The following IL1RAPL1 variants were observed in gnomAD, a reference collection of about 807,000 sequenced individuals.
IL1RAPL1 encodes the protein interleukin-1 receptor accessory protein-like 1.
A neutral mutation model predicts 48.4 loss-of-function variants in IL1RAPL1; 3 were observed. That is an observed-to-expected ratio of 0.06 (90% CI 0.03 to 0.16). IL1RAPL1 has a LOEUF of 0.16. IL1RAPL1 is among the 10% of genes least tolerant of loss of function. The probability of loss-of-function intolerance (pLI) is 1.00; values close to 1 mark genes in which losing one functional copy is unlikely to be tolerated. For missense variants in IL1RAPL1, 349 were observed against 530.6 expected, an observed-to-expected ratio of 0.66 and a Z score of 3.36; for synonymous variants, 185 against 187.7, an observed-to-expected ratio of 0.99 and a Z score of 0.12.
At chrX:28,611,055 G>A (rs1160196999) in intron 1 of IL1RAPL1, among the ~76,000 whole-genome samples, 2 of 111,294 alleles carry the variant, frequency 1.8e-5, no homozygotes, top group African/African-American at 3.3e-5. Flanking sequence ...TGTTACTGAC[G>A]GTGGTGGAAG....
chrX:29,106,027 T>G (rs1928439618), intron 2 of IL1RAPL1, among the ~76,000 whole-genome samples: 1 of 112,544 alleles, frequency 8.9e-6, no homozygotes, highest in Non-Finnish European at 1.9e-5. Context: ...TGACTTGAAC[T>G]AAACTGACAC....
At chrX:29,828,383 A>T (rs952845150) in intron 6 of IL1RAPL1, among the ~76,000 whole-genome samples, 5 of 112,082 alleles carry the variant, frequency 4.5e-5, no homozygotes, top group African/African-American at 1.6e-4. Flanking sequence ...AGAAGGTGGA[A>T]AACTCATGGA....
chrX:29,434,603 A>G (rs367580721), intron 5 of IL1RAPL1, among the ~76,000 whole-genome samples: 1 of 111,069 alleles, frequency 9.0e-6, no homozygotes, highest in East Asian at 2.8e-4. Context: ...GCAAATGCCA[A>G]CATTTTCCTA....
At chrX:29,875,716 A>AT (rs1242065309) in intron 6 of IL1RAPL1, among the ~76,000 whole-genome samples, 1 of 112,248 alleles carries the variant, frequency 8.9e-6, no homozygotes, top group Non-Finnish European at 1.9e-5. Context: ...TTTCAGTTTA[A>AT]TTTCCACTAA....
At chrX:29,312,909 C>G (rs2147620159) in intron 3 of IL1RAPL1, among the ~76,000 whole-genome samples, 1 of 111,462 alleles carries the variant, frequency 9.0e-6, no homozygotes, top group African/African-American at 3.3e-5. Context: ...CTTATTCTCT[C>G]TTGCCACCAT....
chrX:29,127,745 G>A (rs1569242330), intron 2 of IL1RAPL1, among the ~76,000 whole-genome samples: 1 of 111,300 alleles, frequency 9.0e-6, no homozygotes, highest in Non-Finnish European at 1.9e-5. Flanking sequence ...GGATCATGAG[G>A]TCAGGAGTTC....
intron 5 of IL1RAPL1, among the ~76,000 whole-genome samples, chrX:29,442,989 A>G (rs1314676215): frequency 3.6e-5 from 4 of 111,922 alleles, no homozygotes; most frequent in Non-Finnish European, 7.5e-5. Context: ...CAAAAATTTT[A>G]TCTTTTACTT....
intron 5 of IL1RAPL1, among the ~76,000 whole-genome samples, chrX:29,639,884 G>C (rs146056433): frequency 0.026 from 2,893 of 111,331 alleles, 46 homozygotes; most frequent in Non-Finnish European, 0.042. Context: ...GTATATTATA[G>C]GTGGCCTGGT....
At chrX:28,615,199 G>GTTTTTTTTTTTTTTTTTT (rs778402885) in intron 1 of IL1RAPL1, among the ~76,000 whole-genome samples, 3 of 26,054 alleles carry the variant, frequency 1.2e-4, no homozygotes, top group Admixed American at 5.7e-4. Context: ...ACTGTTGTCT[G>GTTTTTTTTTTTTTTTTTT]TTTTTTTTTT....
In IL1RAPL1 at chrX:29,361,330, G is replaced by A. The variant is rs184723836; in HGVS notation, c.363-34928G>A. Among the ~76,000 whole-genome samples, 157 of 112,042 alleles carry A rather than the reference G, an allele frequency of 1.4e-3. 1 individual carries two copies. The highest frequency in any genetic ancestry group is 4.6e-3 in the African/African-American group (143 of 30,928). Reference sequence around the variant, plus strand: ...ATTGAAGCCTCTGCTTTATGACTTCGCATTGGCTCAAACAGGTCATTTAGT... The same window carrying A: ...ATTGAAGCCTCTGCTTTATGACTTCACATTGGCTCAAACAGGTCATTTAGT... On this transcript the variant is annotated intron_variant, in intron 3 of 10. Transcript: ENST00000378993.
intron 3 of IL1RAPL1, among the ~76,000 whole-genome samples, chrX:29,386,281 G>A (rs1428671260): frequency 9.0e-6 from 1 of 111,291 alleles, no homozygotes; most frequent in Non-Finnish European, 1.9e-5. Context: ...ACCTGCCTTG[G>A]CCTCCCAAAG....
intron 2 of IL1RAPL1, among the ~76,000 whole-genome samples, chrX:28,918,648 C>A (rs2147336077): frequency 8.9e-6 from 1 of 111,995 alleles, no homozygotes; most frequent in East Asian, 2.8e-4. Flanking sequence ...AGTGATTAAT[C>A]TTATGGATAG....
intron 8 of IL1RAPL1, among the ~76,000 whole-genome samples, chrX:29,928,640 C>A (rs184453502): frequency 3.6e-5 from 4 of 111,881 alleles, no homozygotes; most frequent in South Asian, 7.4e-4. Flanking sequence ...ACTGACTGAC[C>A]GCTGCCAGAA....
intron 1 of IL1RAPL1, among the ~76,000 whole-genome samples, chrX:28,755,414 A>G: frequency 8.9e-6 from 1 of 112,669 alleles, no homozygotes. Context: ...TTTAAGATTT[A>G]GTTTTTCAAC....
chrX:28,813,046 G>T (rs749742581), intron 2 of IL1RAPL1, among the ~76,000 whole-genome samples: 1 of 110,961 alleles, frequency 9.0e-6, no homozygotes, highest in East Asian at 2.9e-4. Flanking sequence ...CCTGGCATAT[G>T]AAAGATGTTT....
rs189784693 is a variant in IL1RAPL1 at position 29,575,152 on chromosome X, G to A, written c.704-93278G>A. ...CCCGAAGCTGCTTCCACCTTTTCAG[G>A]TATCTTTATAGCAATGTCCCATTTC... On this transcript the variant is annotated intron_variant, in intron 5 of 10. Transcript: ENST00000378993. Among the ~76,000 whole-genome samples, 58 of 111,609 alleles carry A rather than the reference G, an allele frequency of 5.2e-4. 1 individual carries two copies. Among genetic ancestry groups the A allele is most frequent in the Non-Finnish European group, 5.8e-4 (31 of 53,129 alleles).
In IL1RAPL1 at chrX:28,928,617, C is replaced by T. The variant is rs1239599985; in HGVS notation, c.82+139192C>T. ...TGCATGAAATGTTCTTACTTCAGAT[C>T]ATCTCTATGTGGGCTTCTCCCTTAA... On this transcript the variant is annotated intron_variant, in intron 2 of 10. Transcript: ENST00000378993. Among the ~76,000 whole-genome samples, 4 of 111,768 alleles carry T rather than the reference C, an allele frequency of 3.6e-5. No individual in the cohort carries two copies. In the East Asian group the frequency reaches 1.1e-3, roughly 32 times the overall value.
chrX:29,416,948 T>C (rs1003010111), intron 5 of IL1RAPL1, among the ~76,000 whole-genome samples: 9 of 111,648 alleles, frequency 8.1e-5, no homozygotes, highest in Non-Finnish European at 1.5e-4. Context: ...TTTCCTAATA[T>C]TTTGTAGTTT....
At chrX:29,732,455 T>C (rs6630949) in intron 6 of IL1RAPL1, among the ~76,000 whole-genome samples, 53,061 of 110,193 alleles carry the variant, frequency 0.48, 10,088 homozygotes, top group African/African-American at 0.69. Context: ...CATAATGTGA[T>C]CTCCATTTTC....
Sources: allele counts gnomAD v4.1 joint callset (sites outside exome capture counted in the v4.1 genomes callset), GRCh38; gene constraint gnomAD v4.1.1; transcripts MANE v1.5; gene names NCBI Gene and HGNC (gene_info 2026-07-23, HGNC 2026-07-21).